BMPER: variants seen among roughly 807,000 people sequenced by gnomAD.
BMPER encodes BMP binding endothelial regulator.
BMPER carries 45 observed loss-of-function variants against 87.3 expected under a neutral mutation model. That is an observed-to-expected ratio of 0.52 (90% confidence interval 0.41 to 0.66). The LOEUF (loss-of-function observed/expected upper bound fraction) is 0.66. Ranked by LOEUF, BMPER falls within the 30% of genes least tolerant of loss-of-function variation. The probability of loss-of-function intolerance (pLI) is 0.00; values close to 1 mark genes in which losing one functional copy is unlikely to be tolerated. For missense variants in BMPER, 784 were observed against 867.5 expected (o/e 0.90, Z 1.21); for synonymous variants, 326 against 316.2 (o/e 1.03, Z -0.33).
chr7:33,922,737 A>G (rs1784265255), intron 2 of BMPER, among the ~76,000 whole-genome samples: 1 of 152,208 alleles, frequency 6.6e-6, no homozygotes, highest in East Asian at 1.9e-4. Flanking sequence ...GATCTTGATC[A>G]AAGGCTCAAG....
At chr7:34,109,456 C>A (rs1789905538) in intron 13 of BMPER, among the ~76,000 whole-genome samples, 2 of 152,202 alleles carry the variant, frequency 1.3e-5, no homozygotes, top group South Asian at 4.1e-4. Context: ...CTATCGGGCA[C>A]CTATGACCCA....
chr7:33,937,567 T>C (rs1784638026), intron 3 of BMPER, 179 bp downstream of exon 3: 1 of 644,572 alleles, frequency 1.6e-6, no homozygotes, highest in Non-Finnish European at 2.8e-6. Context: ...TGTGTGTATC[T>C]GGGGCTGGAA....
intron 12 of BMPER, among the ~76,000 whole-genome samples, chr7:34,085,484 C>A (rs1182788484): frequency 1.3e-5 from 2 of 152,122 alleles, no homozygotes; most frequent in African/African-American, 4.8e-5. Flanking sequence ...AAGGGATAGT[C>A]ATCTGTAGGT....
chr7:33,938,964 G>A (rs1299882957), intron 3 of BMPER, among the ~76,000 whole-genome samples: 2 of 152,158 alleles, frequency 1.3e-5, no homozygotes, highest in Non-Finnish European at 2.9e-5. Flanking sequence ...GGCAGAAGTT[G>A]CAGTGAGCCA....
chr7:33,964,839 A>G (rs1175378233), intron 3 of BMPER, among the ~76,000 whole-genome samples: 1 of 152,172 alleles, frequency 6.6e-6, no homozygotes, highest in Non-Finnish European at 1.5e-5. Context: ...AATATATAAC[A>G]TATTCGGAAA....
chr7:34,153,023 G>GCATCTCATGCCGGCATCT, intron 14 of BMPER, 69 bp from the exon 15 acceptor site: 12 of 1,567,994 alleles, frequency 7.7e-6, no homozygotes, highest in Non-Finnish European at 1.1e-5. Flanking sequence ...TGCAAGAACG[G>GCATCTCATGCCGGCATCT]CATCTGGCTG....
intron 3 of BMPER, among the ~76,000 whole-genome samples, chr7:33,965,984 C>A (rs1375700063): frequency 6.6e-6 from 1 of 152,176 alleles, no homozygotes; most frequent in Non-Finnish European, 1.5e-5. Context: ...AAGGTTTTAT[C>A]TAGGGAAGAC....
intron 3 of BMPER, among the ~76,000 whole-genome samples, chr7:33,941,154 AATTTATATATTATAT>A (rs549356919): frequency 0.014 from 1,887 of 138,826 alleles, 65 homozygotes; most frequent in East Asian, 0.13. Context: ...TATTACATAT[AATTTATATATTATAT>A]ATTTATATAT....
rs778354780 is a variant in BMPER at position 33,942,905 on chromosome 7, A to AGC, written c.319+5517_319+5518insGC. On this transcript the variant is annotated intron_variant, in intron 3 of 14. Coordinates refer to ENST00000649409, the MANE Select transcript of BMPER (RefSeq NM_001365308.1). The stretch of plus-strand genomic sequence containing the variant: ...GAAGTGCTGGGGAATGCTTATTGGA[A>AGC]ATCTATTCCAGTTATTCGATTGTGT... Among the ~76,000 whole-genome samples, 110 of 152,174 alleles carry AGC rather than the reference A, an allele frequency of 7.2e-4. 1 individual carries two copies. Among genetic ancestry groups the AGC allele is most frequent in the Non-Finnish European group, 1.4e-3 (98 of 68,040 alleles).
chr7:33,946,021 T>C (rs529185280), intron 3 of BMPER, among the ~76,000 whole-genome samples: 1 of 152,274 alleles, frequency 6.6e-6, no homozygotes, highest in East Asian at 1.9e-4. Context: ...CACATTGCTA[T>C]AAGGAAATAC....
intron 6 of BMPER, among the ~76,000 whole-genome samples, chr7:34,018,846 A>G (rs904075354): frequency 2.0e-5 from 3 of 152,030 alleles, no homozygotes; most frequent in Admixed American, 6.6e-5. Context: ...AAAAAATAAA[A>G]GAAAAAAAGT....
At chr7:33,987,327 T>C (rs544118754) in intron 6 of BMPER, among the ~76,000 whole-genome samples, 82 of 152,286 alleles carry the variant, frequency 5.4e-4, no homozygotes, top group African/African-American at 1.9e-3. Flanking sequence ...TGAGCCGCGA[T>C]GTGTTTGCAT....
chr7:34,130,304 T>G (rs1423108970), intron 13 of BMPER, among the ~76,000 whole-genome samples: 1 of 152,174 alleles, frequency 6.6e-6, no homozygotes, highest in Non-Finnish European at 1.5e-5. Flanking sequence ...GCCTCCCATA[T>G]TTTCCACCTG....
At chr7:33,932,195 G>C (rs1255500919) in intron 2 of BMPER, among the ~76,000 whole-genome samples, 1 of 152,150 alleles carries the variant, frequency 6.6e-6, no homozygotes, top group Non-Finnish European at 1.5e-5. Flanking sequence ...TACCTCCAGG[G>C]GTATTTGTAT....
At chr7:34,024,384 A>AAAAAAT (rs1562695193) in intron 6 of BMPER, among the ~76,000 whole-genome samples, 3 of 23,430 alleles carry the variant, frequency 1.3e-4, no homozygotes, top group African/African-American at 2.1e-4. Flanking sequence ...AAAAAAAAAC[A>AAAAAAT]ATATATATAT....
chr7:34,090,003 A>G (rs1789335343), intron 13 of BMPER, among the ~76,000 whole-genome samples: 1 of 152,182 alleles, frequency 6.6e-6, no homozygotes, highest in Admixed American at 6.5e-5. Flanking sequence ...CTAATTTGGC[A>G]TAAAAATTTG....
rs1032771122 is a variant in BMPER at position 34,104,225 on chromosome 7, C to T, written c.1745+18133C>T. Among the ~76,000 whole-genome samples, 16 of 152,162 alleles carry T rather than the reference C, an allele frequency of 1.1e-4. No homozygotes were observed. In the South Asian group the frequency reaches 1.4e-3, roughly 14 times the overall value. ...CGTCCCCCCTTTCTCTCTAATGCTT[C>T]GGTTATTCTGTTTTATGCACTAATT... On this transcript the variant is annotated intron_variant, in intron 13 of 14. Coordinates refer to ENST00000649409, the MANE Select transcript of BMPER (RefSeq NM_001365308.1).
At chr7:34,024,378 A>AC (rs1787288114) in intron 6 of BMPER, among the ~76,000 whole-genome samples, 4 of 89,318 alleles carry the variant, frequency 4.5e-5, no homozygotes, top group Non-Finnish European at 5.9e-5. Context: ...AAAAAAAAAA[A>AC]AAAACAATAT....
chr7:34,136,314 A>C (rs546664885), intron 13 of BMPER, among the ~76,000 whole-genome samples: 1 of 152,258 alleles, frequency 6.6e-6, no homozygotes, highest in South Asian at 2.1e-4. Context: ...GATAAGAATG[A>C]GTGTGTGAAC....
Sources: gnomAD v4.1 joint callset for allele counts (sites outside exome capture counted in the v4.1 genomes callset) on GRCh38, gnomAD v4.1.1 for gene constraint, MANE v1.5 for transcripts, NCBI Gene and HGNC (gene_info 2026-07-23, HGNC 2026-07-21) for gene names.